CD1D: variants seen among roughly 807,000 people sequenced by gnomAD.
The protein encoded by CD1D is CD1d molecule.
A neutral mutation model predicts 42.1 loss-of-function variants in CD1D; 40 were observed. The observed-to-expected ratio is 0.95, with a 90% CI of 0.74 to 1.24. The LOEUF is 1.24. Ranked by LOEUF, CD1D falls within the 50% of genes most tolerant of loss-of-function variation. The probability of loss-of-function intolerance (pLI) is 0.00; values close to 1 mark genes in which losing one functional copy is unlikely to be tolerated. For synonymous variants in CD1D, 178 were observed against 171.8 expected, an observed-to-expected ratio of 1.04 and a Z score of -0.28; for missense variants, 437 against 416.5, an observed-to-expected ratio of 1.05 and a Z score of -0.43.
At chr1:158,183,750 A>G (rs1041166032) in intron 4 of CD1D, among the ~76,000 whole-genome samples, 186 bp from the exon 5 acceptor site, 1 of 152,188 alleles carries the variant, frequency 6.6e-6, no homozygotes. Context: ...AGTGGGCTGA[A>G]TTTGGGATGC....
At chr1:158,182,805 A>T (rs1007127978) in intron 3 of CD1D, 73 bp from the exon 4 acceptor site, 2 of 1,490,412 alleles carry the variant, frequency 1.3e-6, no homozygotes, top group African/African-American at 1.4e-5. Context: ...GTCAAAAAGG[A>T]TGATATGAGG....
Position 158,185,826 on chromosome 1 carries a change from G to A in CD1D, c.*1676G>A, listed in dbSNP as rs1014851431. Among the ~76,000 whole-genome samples, 4 of 152,210 alleles carry A rather than the reference G, an allele frequency of 2.6e-5. No homozygotes were observed. Among genetic ancestry groups the A allele is most frequent in the African/African-American group, 9.6e-5 (4 of 41,458 alleles). ...CTATACCCGCTGAATGAGAAACTCT[G>A]AGTCTGGAAGCAGGCTCAATAGTCA... On this transcript the variant is annotated 3_prime_UTR_variant, in exon 6 of 6. Coordinates refer to ENST00000674085, the MANE Select transcript of CD1D (RefSeq NM_001371762.2).
chr1:158,179,417 A>G (rs1334532030), upstream of CD1D, among the ~76,000 whole-genome samples: 1 of 152,212 alleles, frequency 6.6e-6, no homozygotes, highest in African/African-American at 2.4e-5. Context: ...GCAACAGGAT[A>G]TGGGAGAAGG....
At chr1:158,183,244 T>A in intron 4 of CD1D, 88 bp downstream of exon 4, 1 of 1,471,380 alleles carries the variant, frequency 6.8e-7, no homozygotes, top group Admixed American at 2.3e-5. Flanking sequence ...TGGCTTGATA[T>A]ACCCAGGTTA....
rs772663580 is a variant in CD1D at position 158,184,035 on chromosome 1, C to T, written c.986C>T (p.Thr329Ile). Residue 329 changes from threonine to isoleucine, a missense_variant and splice_region_variant, in exon 5 of 6, where the codon ACT becomes ATT. By Grantham distance (89) the Thr-to-Ile change is moderately conservative (BLOSUM62 -1). Transcript: ENST00000674085. ...VGFTSRFKRQ[T>I]SYQGVL ...TTTACCTCCCGGTTTAAGAGGCAAA[C>T]GTAAGTCTCCCCTTTCCCTTTCCTC... 16 of 1,613,782 alleles carry T rather than the reference C, an allele frequency of 9.9e-6. No individual in the cohort carries two copies. Among genetic ancestry groups the T allele is most frequent in the Middle Eastern group, 3.3e-4 (2 of 6,082 alleles).
intron 4 of CD1D, among the ~76,000 whole-genome samples, chr1:158,183,375 G>C (rs935473239): frequency 6.6e-6 from 1 of 152,248 alleles, no homozygotes; most frequent in East Asian, 1.9e-4. Context: ...CTATATACAA[G>C]AAGAAACAAG....
At position 158,182,143 on chromosome 1, in the gene CD1D, C is replaced by T. The variant is rs1201598310; in HGVS notation, c.440C>T (p.Thr147Ile). The T allele has an allele frequency of 2.5e-6, 4 of 1,614,176 alleles. No individual in the cohort carries two copies. The highest frequency in any genetic ancestry group is 2.5e-6 in the Non-Finnish European group (3 of 1,180,046). Reference sequence around the variant, plus strand: ...AAAGATATCCTGAGTTTCCAAGGAACTTCTTGGGAGCCAACCCAAGAGGCC... The same window carrying T: ...AAAGATATCCTGAGTTTCCAAGGAATTTCTTGGGAGCCAACCCAAGAGGCC... ...QGKDILSFQGTSWEPTQEAPL... is the reference protein window; with the variant it reads ...QGKDILSFQGISWEPTQEAPL... The change falls in exon 3 of 6, where the codon ACT becomes ATT. Residue 147 changes from threonine to isoleucine, a missense_variant. Physicochemically the swap from Thr to Ile is moderately conservative, Grantham distance 89. Transcript: ENST00000674085.
At position 158,181,579 on chromosome 1, in the gene CD1D, G is replaced by A; in HGVS notation, c.186G>A (p.Ser62=). 7 of 1,614,116 alleles carry A rather than the reference G, an allele frequency of 4.3e-6. No individual in the cohort carries two copies. The highest frequency in any genetic ancestry group is 5.9e-6 in the Non-Finnish European group (7 of 1,180,034). The change falls in exon 2 of 6, where the codon TCG becomes TCA. Residue 62 remains serine, a synonymous_variant. Coordinates refer to ENST00000674085, the MANE Select transcript of CD1D (RefSeq NM_001371762.2). ...ELQTHSWSND[S]DTVRSLKPWS... ...AGACGCACAGCTGGAGCAACGACTC[G>A]GACACCGTCCGCTCTCTGAAGCCTT...
chr1:158,181,070 C>T lies in CD1D; in HGVS notation c.-32C>T. The T allele has an allele frequency of 1.3e-6, 2 of 1,529,344 alleles. No homozygotes were observed. Among genetic ancestry groups the T allele is most frequent in the African/African-American group, 1.4e-5 (1 of 72,670 alleles). The allele number at this position is 1,529,344 out of a possible 1,614,324, so 94.7% of individuals were successfully genotyped here. A position where few individuals can be genotyped will look rare whatever the true frequency, so the allele number is the denominator to read the frequency against. On this transcript the variant is annotated 5_prime_UTR_variant, in exon 1 of 6. Transcript: ENST00000674085. ...GCGCAGGTCAGAGGGCGGCGCGCAG[C>T]GGCGCTCCGCGAGGTCCCCACGCCG...
At position 158,181,672 on chromosome 1, in the gene CD1D, C is replaced by G; in HGVS notation, c.279C>G (p.Ser93Arg). The G allele has an allele frequency of 6.2e-7, 1 of 1,613,462 alleles. No homozygotes were observed. Among genetic ancestry groups the G allele is most frequent in the Non-Finnish European group, 8.5e-7 (1 of 1,180,024 alleles). Residue 93 changes from serine (S) to arginine (R), a missense_variant, in exon 2 of 6, where the codon AGC becomes AGG. Transcript: ENST00000674085. The stretch of plus-strand genomic sequence containing the variant: ...AGCATATATTTCGGGTTTATCGAAG[C>G]AGCTTCACCAGGGACGTGAAGGAAT... The part of the protein sequence containing the change: ...TLQHIFRVYR[S>R]SFTRDVKEFA...
chr1:158,181,236 C>A (rs1571062731), intron 1 of CD1D, 74 bp downstream of exon 1: 1 of 1,504,850 alleles, frequency 6.6e-7, no homozygotes, highest in Non-Finnish European at 9.0e-7. Context: ...ACGGGGAGGG[C>A]AACGCCTGAT....
rs1648516014 is a variant in CD1D, at chr1:158,182,915, T to TG, written c.647dup (p.Gly218TrpfsTer25). ...CCTGGCTGTCCCGTGGCCCCAGTCC[T>TG]GGCCCTGGCCGTCTGCTGCTGGTGT... On this transcript the variant is annotated frameshift_variant, in exon 4 of 6. Transcript: ENST00000674085. LOFTEE classifies it high-confidence loss of function. The TG allele has an allele frequency of 6.2e-7, 1 of 1,613,266 alleles. No homozygotes were observed. Among genetic ancestry groups the TG allele is most frequent in the African/African-American group, 1.3e-5 (1 of 74,928 alleles).
At chr1:158,182,412 GC>G (rs1571065665) in intron 3 of CD1D, 102 bp downstream of exon 3, 1 of 1,323,272 alleles carries the variant, frequency 7.6e-7, no homozygotes, top group African/African-American at 1.4e-5. Context: ...GAAGAGGAAG[GC>G]CCAGGAGGGG....
rs897310886 is a variant in CD1D, at chr1:158,185,568, A to T, written c.*1418A>T. Reference sequence around the variant, plus strand: ...GCCACCCATGGTGGTGAGCGCCTGTAGTCCTAGCTACTCTGGAGGCTGAGG... The same window carrying T: ...GCCACCCATGGTGGTGAGCGCCTGTTGTCCTAGCTACTCTGGAGGCTGAGG... On this transcript the variant is annotated 3_prime_UTR_variant, in exon 6 of 6. Transcript: ENST00000674085. Among the ~76,000 whole-genome samples, 1 of 152,184 alleles carries T rather than the reference A, an allele frequency of 6.6e-6. No individual in the cohort carries two copies. Among genetic ancestry groups the T allele is most frequent in the Non-Finnish European group, 1.5e-5 (1 of 68,024 alleles).
In CD1D at chr1:158,185,855, C is replaced by T. The variant is rs569279520; in HGVS notation, c.*1705C>T. ...CTGGAAGCAGGCTCAATAGTCAAGC[C>T]CCCTGGTGATTCTGATGCTTAGCTA... On this transcript the variant is annotated 3_prime_UTR_variant, in exon 6 of 6. Transcript: ENST00000674085. Among the ~76,000 whole-genome samples the T allele has an allele frequency of 3.9e-5, 6 of 152,150 alleles. No homozygotes were observed. The highest frequency in any genetic ancestry group is 8.8e-5 in the Non-Finnish European group (6 of 68,042).
At position 158,181,163 on chromosome 1, in the gene CD1D, G is replaced by A; in HGVS notation, c.61+1G>A. On this transcript the variant is annotated splice_donor_variant, in intron 1 of 5. Transcript: ENST00000674085. LOFTEE classifies it high-confidence loss of function. ...CTCCAGGCTTGGGGAAGCGCTGAAGGTGGGTGGAACGAGGGCGCTTGAGTG... is the reference window on the plus strand; with the variant it reads ...CTCCAGGCTTGGGGAAGCGCTGAAGATGGGTGGAACGAGGGCGCTTGAGTG... The A allele has an allele frequency of 6.4e-7, 1 of 1,550,394 alleles. No homozygotes were observed. The highest frequency in any genetic ancestry group is 1.2e-5 in the South Asian group (1 of 84,242).
chr1:158,182,080 A>G lies in CD1D; in HGVS notation c.377A>G (p.Asn126Ser). The change falls in exon 3 of 6, where the codon AAC (asparagine) becomes AGC (serine). Residue 126 changes from asparagine (N) to serine (S), a missense_variant. Transcript: ENST00000674085. ...GCTGGCTGTGAGGTGCACCCTGGGA[A>G]CGCCTCAAATAACTTCTTCCATGTA... Reference protein sequence around the residue: ...VSAGCEVHPGNASNNFFHVAF... With the variant: ...VSAGCEVHPGSASNNFFHVAF... 6.2e-7 allele frequency: 1 copy of G among 1,613,916 alleles called. No homozygotes were observed. The highest frequency in any genetic ancestry group is 8.5e-7 in the Non-Finnish European group (1 of 1,179,856).
Position 158,182,962 on chromosome 1 carries a change from C to T in CD1D, c.692C>T (p.Pro231Leu). The T allele has an allele frequency of 6.2e-7, 1 of 1,614,196 alleles. No individual in the cohort carries two copies. Among genetic ancestry groups the T allele is most frequent in the Non-Finnish European group, 8.5e-7 (1 of 1,180,030 alleles). ...LLVCHVSGFY[P>L]KPVWVKWMRG... The stretch of plus-strand genomic sequence containing the variant: ...GTGTGCCATGTCTCAGGATTCTACC[C>T]AAAGCCTGTATGGGTGAAGTGGATG... The change falls in exon 4 of 6, where the codon CCA (proline) becomes CTA (leucine). Residue 231 changes from proline to leucine, a missense_variant. Physicochemically the swap from Pro to Leu is moderately conservative, Grantham distance 98. Transcript: ENST00000674085.
At chr1:158,182,333 C>T (rs1255942503) in intron 3 of CD1D, 23 bp downstream of exon 3, 4 of 1,613,596 alleles carry the variant, frequency 2.5e-6, no homozygotes, top group Admixed American at 3.3e-5. Context: ...TCCTTACTCC[C>T]TGCATTCCAC....
Sources: allele counts gnomAD v4.1 joint callset (sites outside exome capture counted in the v4.1 genomes callset), GRCh38; gene constraint gnomAD v4.1.1; transcripts MANE v1.5; gene names NCBI Gene and HGNC (gene_info 2026-07-23, HGNC 2026-07-21).